LPP: variants seen among roughly 807,000 people sequenced by gnomAD.
The protein encoded by LPP is LIM domain containing preferred translocation partner in lipoma.
LPP carries 38 observed loss-of-function variants against 60.4 expected under a neutral mutation model. That is an observed-to-expected ratio of 0.63 (90% CI 0.49 to 0.83). The LOEUF is 0.83. LPP is among the 40% of genes least tolerant of loss of function. LPP has a pLI of 0.00. For missense variants in LPP, 902 were observed against 783.6 expected, an observed-to-expected ratio of 1.15 and a Z score of -1.80; for synonymous variants, 328 against 290.8, an observed-to-expected ratio of 1.13 and a Z score of -1.30.
At chr3:188,332,911 C>A (rs369728944) in intron 2 of LPP, among the ~76,000 whole-genome samples, 1 of 138,164 alleles carries the variant, frequency 7.2e-6, no homozygotes, top group African/African-American at 2.6e-5. Flanking sequence ...CCTTCACCCC[C>A]ACCCTCCCAC....
At chr3:188,300,008 T>C (rs538406918) in intron 2 of LPP, among the ~76,000 whole-genome samples, 6 of 152,256 alleles carry the variant, frequency 3.9e-5, no homozygotes, top group Non-Finnish European at 8.8e-5. Flanking sequence ...GGGACTTTTA[T>C]CATCCCTAAA....
intron 4 of LPP, among the ~76,000 whole-genome samples, chr3:188,437,426 C>G (rs1469589391): frequency 6.6e-6 from 1 of 152,068 alleles, no homozygotes; most frequent in Non-Finnish European, 1.5e-5. Flanking sequence ...TTGTGGACTT[C>G]AGGTAAGTTT....
chr3:188,211,831 CT>C (rs34294160), intron 1 of LPP, among the ~76,000 whole-genome samples: 41,002 of 144,492 alleles, frequency 0.28, 8,030 homozygotes, highest in East Asian at 0.53. Flanking sequence ...TGTTCTTTTT[CT>C]TTTTTTTTTT....
intron 4 of LPP, among the ~76,000 whole-genome samples, chr3:188,419,097 A>AG (rs1422751298): frequency 2.0e-5 from 3 of 152,148 alleles, no homozygotes; most frequent in African/African-American, 7.2e-5. Flanking sequence ...TCACCACTTG[A>AG]GGTGAGAGTA....
intron 2 of LPP, among the ~76,000 whole-genome samples, chr3:188,290,643 T>C (rs1745638869): frequency 1.3e-5 from 2 of 151,828 alleles, no homozygotes; most frequent in Non-Finnish European, 1.5e-5. Context: ...AACATAGGAG[T>C]TGTATTTACA....
At chr3:188,323,077 A>C (rs1163671671) in intron 2 of LPP, among the ~76,000 whole-genome samples, 8 of 152,180 alleles carry the variant, frequency 5.3e-5, no homozygotes, top group African/African-American at 1.9e-4. Flanking sequence ...TGCTTCTAAA[A>C]AGCTTGGACT....
chr3:188,513,277 C>T (rs1037898252), intron 5 of LPP, among the ~76,000 whole-genome samples: 7 of 152,196 alleles, frequency 4.6e-5, no homozygotes, highest in East Asian at 3.8e-4. Context: ...GGTAAGGTGA[C>T]GCTCTAGGAT....
At chr3:188,656,363 G>T (rs192236872) in intron 7 of LPP, among the ~76,000 whole-genome samples, 1 of 152,268 alleles carries the variant, frequency 6.6e-6, no homozygotes, top group East Asian at 1.9e-4. Flanking sequence ...CACAGCCTGT[G>T]ACAGCAAGTT....
At chr3:188,571,479 G>A (rs1377268967) in intron 6 of LPP, among the ~76,000 whole-genome samples, 1 of 151,748 alleles carries the variant, frequency 6.6e-6, no homozygotes, top group African/African-American at 2.4e-5. Flanking sequence ...AAATGAGCTG[G>A]TAGTAATATT....
At chr3:188,487,778 G>T (rs912170297) in intron 5 of LPP, among the ~76,000 whole-genome samples, 3 of 152,108 alleles carry the variant, frequency 2.0e-5, no homozygotes, top group Non-Finnish European at 4.4e-5. Context: ...TTTCCTCTCG[G>T]CTATGGTTAA....
At chr3:188,440,518 T>C (rs928033467) in intron 4 of LPP, among the ~76,000 whole-genome samples, 1 of 152,302 alleles carries the variant, frequency 6.6e-6, no homozygotes, top group African/African-American at 2.4e-5. Context: ...TTTTTAAATA[T>C]AGGAAACCAG....
At position 188,299,387 on chromosome 3, in the gene LPP, T is replaced by A. The variant is rs990944164; in HGVS notation, c.-66-42276T>A. ...ATTCCAAGACCAGGCACATTTGAGCTGTGTTGCTTCTTCGATGCTGACTAT... is the reference window on the plus strand; with the variant it reads ...ATTCCAAGACCAGGCACATTTGAGCAGTGTTGCTTCTTCGATGCTGACTAT... On this transcript the variant is annotated intron_variant, in intron 2 of 11. Transcript: ENST00000617246. Among the ~76,000 whole-genome samples the A allele has an allele frequency of 5.6e-4, 86 of 152,338 alleles. 1 individual carries two copies. The highest frequency in any genetic ancestry group is 1.9e-3 in the African/African-American group (80 of 41,584).
At chr3:188,366,331 G>A (rs980956483) in intron 3 of LPP, among the ~76,000 whole-genome samples, 9 of 152,254 alleles carry the variant, frequency 5.9e-5, no homozygotes, top group African/African-American at 1.9e-4. Context: ...TGTGAATAAC[G>A]CAGCAGTGAA....
At chr3:188,221,643 G>C (rs1275029768) in intron 1 of LPP, among the ~76,000 whole-genome samples, 1 of 152,140 alleles carries the variant, frequency 6.6e-6, no homozygotes, top group Non-Finnish European at 1.5e-5. Flanking sequence ...CTAGTTAATT[G>C]TTAACCCTTT....
chr3:188,761,232 A>G (rs1166021411), intron 9 of LPP, among the ~76,000 whole-genome samples: 2 of 152,158 alleles, frequency 1.3e-5, no homozygotes, highest in East Asian at 3.9e-4. Context: ...AGGTATTGGG[A>G]GTCATACTTG....
chr3:188,511,060 T>G (rs1579494463), intron 5 of LPP, among the ~76,000 whole-genome samples: 5 of 107,504 alleles, frequency 4.7e-5, no homozygotes, highest in Admixed American at 3.6e-4. Context: ...TCCCTCTCCC[T>G]CCTTTCCTTT....
At chr3:188,483,301 A>G (rs987433533) in intron 4 of LPP, among the ~76,000 whole-genome samples, 4 of 152,168 alleles carry the variant, frequency 2.6e-5, no homozygotes, top group East Asian at 1.9e-4. Context: ...ACTCACAGTC[A>G]TTCTAATGTG....
At position 188,197,197 on chromosome 3, in the gene LPP, G is replaced by A. The variant is rs563886970; in HGVS notation, c.-189-28208G>A. Among the ~76,000 whole-genome samples, 6 of 152,262 alleles carry A rather than the reference G, an allele frequency of 3.9e-5. No homozygotes were observed. In the East Asian group the frequency reaches 1.2e-3, roughly 29 times the overall value. ...TCAAGGAATGGTGACATTTAAGATTGGCCTTCAATTTGGGTAGTATTGGGT... is the reference window on the plus strand; with the variant it reads ...TCAAGGAATGGTGACATTTAAGATTAGCCTTCAATTTGGGTAGTATTGGGT... On this transcript the variant is annotated intron_variant, in intron 1 of 11. Transcript: ENST00000617246.
In LPP at chr3:188,884,811, A is replaced by G. The variant is rs1417474683; in HGVS notation, c.*10332A>G. 1 of 226,372 alleles carries G rather than the reference A, an allele frequency of 4.4e-6. No individual in the cohort carries two copies. The highest frequency in any genetic ancestry group is 8.8e-6 in the Non-Finnish European group (1 of 113,750). The allele number at this position is 226,372 out of a possible 1,614,324, so 14.0% of individuals were successfully genotyped here. A position where few individuals can be genotyped will look rare whatever the true frequency, so the allele number is the denominator to read the frequency against. ...CTCTCCATTCACATTTACTGAGAGC[A>G]CACCACGTGCATGTTGCTGCAACAG... On this transcript the variant is annotated 3_prime_UTR_variant, in exon 12 of 12. Coordinates refer to ENST00000617246, the MANE Select transcript of LPP (RefSeq NM_001375462.1).
Sources: gnomAD v4.1 joint callset for allele counts (sites outside exome capture counted in the v4.1 genomes callset) on GRCh38, gnomAD v4.1.1 for gene constraint, MANE v1.5 for transcripts, NCBI Gene and HGNC (gene_info 2026-07-23, HGNC 2026-07-21) for gene names.